DHRSX: variants seen among roughly 807,000 people sequenced by gnomAD.
DHRSX encodes the protein dehydrogenase/reductase X-linked, also known as polyprenol dehydrogenase.
A neutral mutation model predicts 34.0 loss-of-function variants in DHRSX; 31 were observed. That is an observed-to-expected ratio of 0.91 (90% CI 0.69 to 1.23). The LOEUF (loss-of-function observed/expected upper bound fraction) is 1.23. Ranked by LOEUF, DHRSX falls within the 50% of genes most tolerant of loss-of-function variation. The pLI is 0.00. For synonymous variants in DHRSX, 201 were observed against 183.8 expected (o/e 1.09, Z -0.76); for missense variants, 414 against 428.1 (o/e 0.97, Z 0.29).
chrX:2,341,330 G>A (rs1244921844), intron 3 of DHRSX, among the ~76,000 whole-genome samples: 1 of 152,044 alleles, frequency 6.6e-6, no homozygotes, highest in African/African-American at 2.4e-5. Context: ...TCCCAGTCCT[G>A]GAGACTACAT....
At chrX:2,230,581 C>T (rs769541241) in intron 6 of DHRSX, among the ~76,000 whole-genome samples, 2 of 152,238 alleles carry the variant, frequency 1.3e-5, no homozygotes, top group South Asian at 4.1e-4. Flanking sequence ...TTGTGGATAT[C>T]ATTAACATTT....
chrX:2,460,245 G>C (rs1268598968), intron 1 of DHRSX, among the ~76,000 whole-genome samples: 1 of 152,106 alleles, frequency 6.6e-6, no homozygotes, highest in African/African-American at 2.4e-5. Context: ...GCCTGCTCAG[G>C]AGGGTTGGTG....
At chrX:2,495,843 C>A (rs1461550245) in intron 1 of DHRSX, among the ~76,000 whole-genome samples, 1 of 152,096 alleles carries the variant, frequency 6.6e-6, no homozygotes, top group Non-Finnish European at 1.5e-5. Context: ...TTTCCAATTG[C>A]ACATCCATGA....
chrX:2,361,073 T>A (rs967021364), intron 3 of DHRSX, among the ~76,000 whole-genome samples: 3 of 151,992 alleles, frequency 2.0e-5, no homozygotes, highest in African/African-American at 7.2e-5. Context: ...TTAGAGAAAA[T>A]GGAACATTTC....
intron 3 of DHRSX, among the ~76,000 whole-genome samples, chrX:2,366,702 A>C (rs2124594419): frequency 6.6e-6 from 1 of 152,050 alleles, no homozygotes; most frequent in South Asian, 2.1e-4. Flanking sequence ...GGCTCAAGCA[A>C]TCCTCCTGCC....
intron 3 of DHRSX, among the ~76,000 whole-genome samples, chrX:2,325,521 G>T (rs1415456846): frequency 6.6e-6 from 1 of 152,110 alleles, no homozygotes; most frequent in East Asian, 1.9e-4. Context: ...AAACAGGACC[G>T]AGAGCCCCGA....
At chrX:2,456,644 G>T (rs2044302345) in intron 1 of DHRSX, among the ~76,000 whole-genome samples, 1 of 146,636 alleles carries the variant, frequency 6.8e-6, no homozygotes, top group Non-Finnish European at 1.5e-5. Context: ...GCTGGATGAA[G>T]AATGAAAGGT....
intron 1 of DHRSX, among the ~76,000 whole-genome samples, chrX:2,466,235 T>C (rs1433696237): frequency 6.6e-6 from 1 of 152,108 alleles, no homozygotes. Flanking sequence ...GGTCGGTAGC[T>C]CAAGACCAGA....
chrX:2,264,800 G>T (rs865983012), intron 5 of DHRSX, among the ~76,000 whole-genome samples: 8 of 102,180 alleles, frequency 7.8e-5, no homozygotes, highest in African/African-American at 1.5e-4. Flanking sequence ...GGAGCACCGT[G>T]CCCAGAGCAC....
At chrX:2,413,708 G>C (rs7879755) in intron 2 of DHRSX, among the ~76,000 whole-genome samples, 18,744 of 152,096 alleles carry the variant, frequency 0.12, 1,294 homozygotes, top group Middle Eastern at 0.18. Flanking sequence ...TAACCAACTA[G>C]ACTTCCTGTG....
chrX:2,388,835 C>T (rs1436443638), intron 3 of DHRSX, among the ~76,000 whole-genome samples: 1 of 151,890 alleles, frequency 6.6e-6, no homozygotes, highest in Non-Finnish European at 1.5e-5. Flanking sequence ...GTTTGTAAGT[C>T]ATCCAGCCTA....
At chrX:2,349,471 T>A (rs73630288) in intron 3 of DHRSX, among the ~76,000 whole-genome samples, 8,183 of 151,702 alleles carry the variant, frequency 0.054, 507 homozygotes, top group African/African-American at 0.15. Context: ...CACTTGCAGT[T>A]AGTTAGGAGT....
intron 4 of DHRSX, among the ~76,000 whole-genome samples, chrX:2,288,007 T>C (rs2041824932): frequency 1.3e-5 from 2 of 152,102 alleles, no homozygotes; most frequent in Non-Finnish European, 2.9e-5. Context: ...CCTTTGTAGA[T>C]GTGAATTAGT....
intron 3 of DHRSX, among the ~76,000 whole-genome samples, chrX:2,331,622 G>A (rs1381763285): frequency 1.3e-5 from 2 of 151,546 alleles, no homozygotes; most frequent in African/African-American, 2.4e-5. Context: ...TAATTTTTTT[G>A]TAGTTTTAGT....
At chrX:2,331,434 T>C (rs1170803732) in intron 3 of DHRSX, among the ~76,000 whole-genome samples, 6 of 122,848 alleles carry the variant, frequency 4.9e-5, no homozygotes, top group African/African-American at 7.8e-5. Context: ...GAAGGTTTTT[T>C]GGTTTTTTTT....
chrX:2,484,468 C>G (rs1158399040), intron 1 of DHRSX, among the ~76,000 whole-genome samples: 1 of 152,162 alleles, frequency 6.6e-6, no homozygotes, highest in Admixed American at 6.5e-5. Context: ...GGCTGCAAAG[C>G]CCTGAAACCC....
intron 3 of DHRSX, among the ~76,000 whole-genome samples, chrX:2,382,765 TCATCATCAC>T (rs2124612738): frequency 9.4e-6 from 1 of 106,036 alleles, no homozygotes; most frequent in African/African-American, 4.1e-5. Context: ...ATCATCATCA[TCATCATCAC>T]CATCACCATC....
intron 4 of DHRSX, among the ~76,000 whole-genome samples, chrX:2,268,400 T>C (rs1359413545): frequency 6.6e-6 from 1 of 152,202 alleles, no homozygotes; most frequent in African/African-American, 2.4e-5. Flanking sequence ...ATTCTGTATC[T>C]ATCTACACGT....
chrX:2,470,473 T>G (rs776370420), intron 1 of DHRSX, among the ~76,000 whole-genome samples: 14 of 151,952 alleles, frequency 9.2e-5, no homozygotes, highest in African/African-American at 3.4e-4. Flanking sequence ...CTTGGGAGGC[T>G]GAGGCAGGAG....
Sources: allele counts gnomAD v4.1 joint callset (sites outside exome capture counted in the v4.1 genomes callset), GRCh38; gene constraint gnomAD v4.1.1; transcripts MANE v1.5; gene names NCBI Gene and HGNC (gene_info 2026-07-23, HGNC 2026-07-21).